WNT2: variants seen among roughly 807,000 people sequenced by gnomAD.
The protein encoded by WNT2 is protein Wnt-2.
A neutral mutation model predicts 36.9 loss-of-function variants in WNT2; 12 were observed. The ratio of observed to expected loss-of-function variants is 0.33; its 90% CI spans 0.21 to 0.53. WNT2 has a LOEUF of 0.53. Ranked by LOEUF, WNT2 falls within the 20% of genes least tolerant of loss-of-function variation. The probability of loss-of-function intolerance (pLI) is 0.95; values close to 1 mark genes in which losing one functional copy is unlikely to be tolerated. For missense variants in WNT2, 379 were observed against 473.1 expected, an observed-to-expected ratio of 0.80 and a Z score of 1.84; for synonymous variants, 163 against 174.6, an observed-to-expected ratio of 0.93 and a Z score of 0.52.
chr7:117,300,328 A>G (rs559840080), intron 3 of WNT2, among the ~76,000 whole-genome samples: 22 of 152,286 alleles, frequency 1.4e-4, no homozygotes, highest in African/African-American at 5.3e-4. Flanking sequence ...CTGGGACTAC[A>G]GGCGCGGGTC....
At chr7:117,283,848 C>T (rs528971228) in intron 4 of WNT2, among the ~76,000 whole-genome samples, 38 of 152,314 alleles carry the variant, frequency 2.5e-4, no homozygotes, top group African/African-American at 8.4e-4. Flanking sequence ...GCTGCCCAAA[C>T]GGCATAATGA....
chr7:117,323,039 T>C lies in WNT2; in HGVS notation c.-50A>G, dbSNP rs1482250990. On this transcript the variant is annotated 5_prime_UTR_variant, in exon 1 of 5. The change abolishes an upstream ATG in the 5' untranslated region. Transcript: ENST00000265441. ...GGTCAGACTCCGTGTGCGGGCGCCA[T>C]GCGTGCCCAGAGCAGAAGCGCTCAG... 3.3e-6 allele frequency: 5 copies of C among 1,535,462 alleles called. No individual in the cohort carries two copies. Among genetic ancestry groups the C allele is most frequent in the African/African-American group, 2.8e-5 (2 of 71,916 alleles).
chr7:117,288,821 T>C (rs1014586466), intron 4 of WNT2, among the ~76,000 whole-genome samples: 1 of 152,182 alleles, frequency 6.6e-6, no homozygotes, highest in African/African-American at 2.4e-5. Flanking sequence ...ATAGTAATTC[T>C]ACTAAGTTTG....
rs552275256 is a variant in WNT2, at chr7:117,284,627, C to CT, written c.854-6244dup. Among the ~76,000 whole-genome samples the CT allele has an allele frequency of 3.9e-5, 6 of 152,178 alleles. No individual in the cohort carries two copies. Among genetic ancestry groups the CT allele is most frequent in the East Asian group, 3.9e-4 (2 of 5,190 alleles). On this transcript the variant is annotated intron_variant, in intron 4 of 4. Coordinates refer to ENST00000265441, the MANE Select transcript of WNT2 (RefSeq NM_003391.3). This position sits in a 1 kb window ranked among gnomAD's most constrained non-coding sequence, Gnocchi z 5.2. ...GTGAAAGTTCATTCATCCTTTCTCA[C>CT]TTTTTTTTCCCATTCCTTCTTCTTC...
rs113767405 is a variant in WNT2, at chr7:117,289,487, A to T, written c.853+8125T>A. Among the ~76,000 whole-genome samples the T allele has an allele frequency of 4.4e-3, 672 of 152,330 alleles. 7 individuals are homozygous for T. Among genetic ancestry groups the T allele is most frequent in the African/African-American group, 0.012 (495 of 41,568 alleles). On this transcript the variant is annotated intron_variant, in intron 4 of 4. Transcript: ENST00000265441. Reference sequence around the variant, plus strand: ...CACTTAAGCTTAAATGGGAATTTTCATAGGCTGTGAGTTAAAAGCTAAGCA... The same window carrying T: ...CACTTAAGCTTAAATGGGAATTTTCTTAGGCTGTGAGTTAAAAGCTAAGCA...
In WNT2 at chr7:117,277,983, G is replaced by A. The variant is rs1208799280; in HGVS notation, c.*172C>T. On this transcript the variant is annotated 3_prime_UTR_variant, in exon 5 of 5. Transcript: ENST00000265441. ...TAGAATAGGGTAGGCTTTAGGTGCA[G>A]CGTGTGGCCCCCCCATCCTGGGGCC... 3.1e-6 allele frequency: 2 copies of A among 651,242 alleles called. No individual in the cohort carries two copies. Among genetic ancestry groups the A allele is most frequent in the Non-Finnish European group, 5.3e-6 (2 of 377,076 alleles). The allele number at this position is 651,242 out of a possible 1,614,324, so 40.3% of individuals were successfully genotyped here. A position where few individuals can be genotyped will look rare whatever the true frequency, so the allele number is the denominator to read the frequency against.
intron 2 of WNT2, among the ~76,000 whole-genome samples, chr7:117,316,480 C>T (rs187685565): frequency 6.6e-6 from 1 of 152,180 alleles, no homozygotes; most frequent in Non-Finnish European, 1.5e-5. Flanking sequence ...AAACAGAGAA[C>T]CATTTGGTGA....
At chr7:117,303,866 C>T (rs973408567) in intron 3 of WNT2, among the ~76,000 whole-genome samples, 1 of 152,158 alleles carries the variant, frequency 6.6e-6, no homozygotes, top group African/African-American at 2.4e-5. Flanking sequence ...TTGGCTATCA[C>T]CTCACGTTTT....
chr7:117,300,338 C>T (rs1367503836), intron 3 of WNT2, among the ~76,000 whole-genome samples: 2 of 152,140 alleles, frequency 1.3e-5, no homozygotes, highest in African/African-American at 4.8e-5. Context: ...AGGCGCGGGT[C>T]ACCACGCCTG....
intron 2 of WNT2, among the ~76,000 whole-genome samples, chr7:117,319,578 A>T (rs1795287594): frequency 6.6e-6 from 1 of 152,034 alleles, no homozygotes; most frequent in Non-Finnish European, 1.5e-5. Flanking sequence ...GGGTTTGCAC[A>T]TAAACTGCTG....
rs543472144 is a variant in WNT2, at chr7:117,297,772, G to A, written c.693C>T (p.Gly231=). The A allele has an allele frequency of 1.5e-5, 24 of 1,614,086 alleles. No individual in the cohort carries two copies. The highest frequency in any genetic ancestry group is 1.1e-4 in the African/African-American group (8 of 74,992). ...CATTGTACTTCCTCCAGAGATAATC[G>A]CCCGTTTTCCTGAAGTCGGCCATGG... ...WLAMADFRKT[G]DYLWRKYNGA... The change falls in exon 4 of 5, where the codon GGC becomes GGT. Residue 231 remains glycine, a synonymous_variant. Coordinates refer to ENST00000265441, the MANE Select transcript of WNT2 (RefSeq NM_003391.3).
intron 3 of WNT2, among the ~76,000 whole-genome samples, chr7:117,312,763 A>C (rs1293067612): frequency 2.6e-5 from 4 of 152,238 alleles, no homozygotes; most frequent in Admixed American, 2.6e-4. Context: ...ATCTAAAATG[A>C]CATTACAGTA....
intron 3 of WNT2, among the ~76,000 whole-genome samples, chr7:117,303,712 A>G (rs1286751344): frequency 1.3e-5 from 2 of 152,234 alleles, no homozygotes; most frequent in Non-Finnish European, 2.9e-5. Context: ...AAACATCTAC[A>G]TAATATTATT....
At chr7:117,292,459 G>A (rs1469080530) in intron 4 of WNT2, among the ~76,000 whole-genome samples, 1 of 152,130 alleles carries the variant, frequency 6.6e-6, no homozygotes, top group Non-Finnish European at 1.5e-5. Context: ...TAATTGCCTT[G>A]AAGAGTCAGA....
At chr7:117,281,249 G>A (rs1188678547) in intron 4 of WNT2, among the ~76,000 whole-genome samples, 1 of 151,988 alleles carries the variant, frequency 6.6e-6, no homozygotes, top group Non-Finnish European at 1.5e-5. Flanking sequence ...TGTTGTTATT[G>A]TTGTTTGAGA....
rs969668429 is a variant in WNT2 at position 117,305,120 on chromosome 7, G to A, written c.589-7244C>T. Among the ~76,000 whole-genome samples, 7 of 152,228 alleles carry A rather than the reference G, an allele frequency of 4.6e-5. No homozygotes were observed. In the South Asian group the frequency reaches 1.0e-3, roughly 23 times the overall value. On this transcript the variant is annotated intron_variant, in intron 3 of 4. Transcript: ENST00000265441. ...TGCCTGGCTCAGGGTTGGACTGCTC[G>A]GGAGCACCGTGCTTCCAGCCCGCGT...
chr7:117,319,301 A>G (rs1422422371), intron 2 of WNT2, among the ~76,000 whole-genome samples: 1 of 152,226 alleles, frequency 6.6e-6, no homozygotes, highest in Non-Finnish European at 1.5e-5. Context: ...AGGAATGCAG[A>G]AGAATATAGT....
chr7:117,301,224 G>A (rs1379712843), intron 3 of WNT2, among the ~76,000 whole-genome samples: 1 of 152,108 alleles, frequency 6.6e-6, no homozygotes, highest in African/African-American at 2.4e-5. Flanking sequence ...CACTGTTAAC[G>A]CACAGCATGT....
chr7:117,281,626 T>A (rs949906319), intron 4 of WNT2, among the ~76,000 whole-genome samples: 1 of 151,966 alleles, frequency 6.6e-6, no homozygotes, highest in African/African-American at 2.4e-5. Context: ...GAAAACTAGG[T>A]CGCGAAGGTA....
Sources: gnomAD v4.1 joint callset for allele counts (sites outside exome capture counted in the v4.1 genomes callset) on GRCh38, gnomAD v4.1.1 for gene constraint, Gnocchi (gnomAD v3.1) non-coding constraint, MANE v1.5 for transcripts, NCBI Gene and HGNC (gene_info 2026-07-23, HGNC 2026-07-21) for gene names.